Variants in ATP8A2 observed in about 807,000 individuals in gnomAD.
ATP8A2 encodes the protein phospholipid-transporting ATPase IB.
A neutral mutation model predicts 165.6 loss-of-function variants in ATP8A2; 100 were observed. That is an observed-to-expected ratio of 0.60 (90% CI 0.51 to 0.71). The LOEUF (loss-of-function observed/expected upper bound fraction) is 0.71, where lower values mean the gene tolerates loss of function less well. Ranked by LOEUF, ATP8A2 falls within the 30% of genes least tolerant of loss-of-function variation. ATP8A2 has a pLI of 0.00. For synonymous variants in ATP8A2, 543 were observed against 548.8 expected (o/e 0.99, Z 0.15); for missense variants, 1,227 against 1,479.5 (o/e 0.83, Z 2.80).
intron 1 of ATP8A2, among the ~76,000 whole-genome samples, chr13:25,461,265 C>T (rs1208414690): frequency 1.3e-5 from 2 of 152,142 alleles, no homozygotes; most frequent in South Asian, 2.1e-4. Flanking sequence ...AAAAGGCCTT[C>T]GAAATGTGTC....
intron 33 of ATP8A2, among the ~76,000 whole-genome samples, chr13:25,896,555 G>A (rs1405874638): frequency 6.6e-6 from 1 of 152,152 alleles, no homozygotes; most frequent in Non-Finnish European, 1.5e-5. Flanking sequence ...AGGTCTGCTT[G>A]GTGCAGAGCT....
intron 2 of ATP8A2, among the ~76,000 whole-genome samples, chr13:25,495,997 G>A (rs2036666317): frequency 6.6e-6 from 1 of 152,050 alleles, no homozygotes; most frequent in African/African-American, 2.4e-5. Context: ...CATCACCAGG[G>A]CTCATGCACA....
chr13:25,531,997 G>C (rs1282717832), intron 4 of ATP8A2, among the ~76,000 whole-genome samples: 1 of 152,182 alleles, frequency 6.6e-6, no homozygotes, highest in Non-Finnish European at 1.5e-5. Context: ...TTATCACACT[G>C]AATAATCATT....
At chr13:25,862,673 A>G (rs1038191437) in intron 33 of ATP8A2, among the ~76,000 whole-genome samples, 1 of 152,212 alleles carries the variant, frequency 6.6e-6, no homozygotes, top group African/African-American at 2.4e-5. Context: ...GCATGCCCAC[A>G]TTTCCATAAT....
intron 2 of ATP8A2, among the ~76,000 whole-genome samples, chr13:25,482,070 C>T (rs1486915660): frequency 6.6e-6 from 1 of 152,086 alleles, no homozygotes; most frequent in Non-Finnish European, 1.5e-5. Flanking sequence ...CGTTGGGACA[C>T]CAGTGTCAGT....
At chr13:25,744,330 C>CCCCCCCCCCCCG (rs1566097592) in intron 25 of ATP8A2, among the ~76,000 whole-genome samples, 2 of 152,050 alleles carry the variant, frequency 1.3e-5, no homozygotes, top group African/African-American at 4.8e-5. Flanking sequence ...TCACCACCCC[C>CCCCCCCCCCCCG]CCGTGTGTAT....
At chr13:25,419,891 T>C (rs1202978495) in intron 1 of ATP8A2, among the ~76,000 whole-genome samples, 1 of 152,010 alleles carries the variant, frequency 6.6e-6, no homozygotes, top group Non-Finnish European at 1.5e-5. Context: ...TAATTTATAT[T>C]TTCTGACAAT....
chr13:25,902,059 T>C (rs1360035913), intron 33 of ATP8A2, among the ~76,000 whole-genome samples: 1 of 152,098 alleles, frequency 6.6e-6, no homozygotes, highest in Non-Finnish European at 1.5e-5. Context: ...TAGAAAAGGA[T>C]AACAAAAAAA....
At chr13:25,867,687 G>T (rs745865892) in intron 33 of ATP8A2, among the ~76,000 whole-genome samples, 2 of 152,134 alleles carry the variant, frequency 1.3e-5, no homozygotes, top group Non-Finnish European at 2.9e-5. Context: ...AGCGGGTCAG[G>T]AAGCCTGAAG....
intron 18 of ATP8A2, 161 bp downstream of exon 18, chr13:25,571,853 G>A (rs1250995182): frequency 1.5e-5 from 11 of 724,918 alleles, no homozygotes; most frequent in South Asian, 4.6e-5. Context: ...TAGCTTGTTC[G>A]AGTTGTTTTG....
intron 2 of ATP8A2, among the ~76,000 whole-genome samples, chr13:25,524,932 TTCC>T (rs1566219850): frequency 3.3e-4 from 43 of 131,944 alleles, no homozygotes; most frequent in African/African-American, 1.0e-3. Flanking sequence ...CCTTCCTTCC[TTCC>T]TTCTTTCCTT....
rs1032673824 is a variant in ATP8A2, at chr13:25,397,217, G to A, written c.76+24929G>A. ...CTACCAGTGAGGAGGGGAAGAGCTG[G>A]GTCTCCAAGGCCATGCAGACAGTTG... is the stretch of plus-strand genomic sequence containing the variant. On this transcript the variant is annotated intron_variant, in intron 1 of 36. Coordinates refer to ENST00000381655, the MANE Select transcript of ATP8A2 (RefSeq NM_016529.6). 3.3e-5 allele frequency among the ~76,000 whole-genome samples: 5 copies of A among 152,152 alleles called. No individual in the cohort carries two copies. The East Asian group carries it at 9.6e-4, about 29-fold the overall frequency.
intron 1 of ATP8A2, among the ~76,000 whole-genome samples, chr13:25,407,534 A>G (rs1323785698): frequency 6.6e-6 from 1 of 152,252 alleles, no homozygotes; most frequent in African/African-American, 2.4e-5. Context: ...GAGTAAGAAA[A>G]GATGCTATCT....
chr13:25,888,984 C>T (rs1415254869), intron 33 of ATP8A2, among the ~76,000 whole-genome samples: 2 of 151,834 alleles, frequency 1.3e-5, no homozygotes, highest in Non-Finnish European at 2.9e-5. Flanking sequence ...TCTTCGTCAC[C>T]TAAATATGGC....
At chr13:25,726,098 A>G (rs1391866064) in intron 25 of ATP8A2, among the ~76,000 whole-genome samples, 3 of 152,220 alleles carry the variant, frequency 2.0e-5, no homozygotes, top group Non-Finnish European at 4.4e-5. Context: ...TTTCGAATGC[A>G]TCAGTGGTGT....
intron 33 of ATP8A2, among the ~76,000 whole-genome samples, chr13:25,950,370 T>C (rs1955323055): frequency 6.6e-6 from 1 of 152,064 alleles, no homozygotes; most frequent in Non-Finnish European, 1.5e-5. Context: ...AATTGGGTCC[T>C]AAGGAGAAAA....
chr13:25,680,749 G>A (rs887880852), intron 24 of ATP8A2, among the ~76,000 whole-genome samples: 4 of 152,182 alleles, frequency 2.6e-5, no homozygotes, highest in Non-Finnish European at 1.5e-5. Context: ...CAAAGTGAGA[G>A]GCTTTTGCCA....
At chr13:25,868,930 A>C (rs766843814) in intron 33 of ATP8A2, among the ~76,000 whole-genome samples, 12 of 152,008 alleles carry the variant, frequency 7.9e-5, no homozygotes, top group African/African-American at 2.4e-4. Context: ...TTATCCAGGC[A>C]TGGTGGCGGG....
At chr13:25,644,805 T>C (rs2041627753) in intron 24 of ATP8A2, among the ~76,000 whole-genome samples, 1 of 152,192 alleles carries the variant, frequency 6.6e-6, no homozygotes, top group Admixed American at 6.6e-5. Context: ...TAGAAATTTA[T>C]CCACTTATTC....
Sources: gnomAD v4.1 joint callset for allele counts (sites outside exome capture counted in the v4.1 genomes callset) on GRCh38, gnomAD v4.1.1 for gene constraint, MANE v1.5 for transcripts, NCBI Gene and HGNC (gene_info 2026-07-23, HGNC 2026-07-21) for gene names.